Variants in VIM observed in about 807,000 individuals in gnomAD.
The protein encoded by VIM is vimentin.
VIM carries 18 observed loss-of-function variants against 50.3 expected under a neutral mutation model. The observed-to-expected ratio is 0.36, with a 90% CI of 0.25 to 0.53. The LOEUF (loss-of-function observed/expected upper bound fraction) is 0.53, where lower values mean the gene tolerates loss of function less well. Ranked by LOEUF, VIM falls within the 20% of genes least tolerant of loss-of-function variation. VIM has a pLI of 0.91. For synonymous variants in VIM, 245 were observed against 248.5 expected (o/e 0.99, Z 0.13); for missense variants, 551 against 614.7 (o/e 0.90, Z 1.10).
Position 17,234,905 on chromosome 10 carries a change from G to C in VIM, c.1008+87G>C. 4 of 1,576,250 alleles carry C rather than the reference G, an allele frequency of 2.5e-6. No homozygotes were observed. The South Asian group carries it at 4.5e-5, about 18-fold the overall frequency. On this transcript the variant is annotated intron_variant, in intron 6 of 9. Coordinates refer to ENST00000544301, the MANE Select transcript of VIM (RefSeq NM_003380.5). Reference sequence around the variant, plus strand: ...TGATGATACCTGAACAAAATGTTGAGTGAGTAAAAATGTATATCATAATGC... The same window carrying C: ...TGATGATACCTGAACAAAATGTTGACTGAGTAAAAATGTATATCATAATGC...
rs1846735260 is a variant in VIM at position 17,229,306 on chromosome 10, C to A, written c.-117C>A. Reference sequence around the variant, plus strand: ...TGCCACTCTCGCTCCGAGGTCCCCGCGCCAGAGACGCAGCCGCGCTCCCAC... The same window carrying A: ...TGCCACTCTCGCTCCGAGGTCCCCGAGCCAGAGACGCAGCCGCGCTCCCAC... On this transcript the variant is annotated 5_prime_UTR_variant, in exon 2 of 10. Coordinates refer to ENST00000544301, the MANE Select transcript of VIM (RefSeq NM_003380.5). The A allele has an allele frequency of 9.1e-7, 1 of 1,104,858 alleles. No homozygotes were observed. 68.4% of individuals were successfully genotyped at this position (1,104,858 alleles called of 1,614,324 possible).
Position 17,237,114 on chromosome 10 carries a change from T to C in VIM, c.1360-116T>C. 10 of 993,118 alleles carry C rather than the reference T, an allele frequency of 1.0e-5. 1 individual carries two copies. In the South Asian group the frequency reaches 1.3e-4, roughly 13 times the overall value. 61.5% of individuals were successfully genotyped at this position (993,118 alleles called of 1,614,324 possible). Reference sequence around the variant, plus strand: ...CTCATGCAGAAGCAACATAACCTTCTGATTTGCACAATAAATTACATATAT... The same window carrying C: ...CTCATGCAGAAGCAACATAACCTTCCGATTTGCACAATAAATTACATATAT... On this transcript the variant is annotated intron_variant, in intron 9 of 9. Coordinates refer to ENST00000544301, the MANE Select transcript of VIM (RefSeq NM_003380.5).
In VIM at chr10:17,230,704, C is replaced by T; in HGVS notation, c.618C>T (p.Phe206=). The change falls in exon 3 of 10, where the codon TTC becomes TTT. Residue 206 remains phenylalanine, a synonymous_variant. Transcript: ENST00000544301. ...REEAENTLQS[F]RQDVDNASLA... ...AAGCCGAAAACACCCTGCAATCTTT[C>T]AGACAGGTTTGTAGACTCTCTTCCC... The T allele has an allele frequency of 6.2e-7, 1 of 1,614,154 alleles. No individual in the cohort carries two copies. Among genetic ancestry groups the T allele is most frequent in the Non-Finnish European group, 8.5e-7 (1 of 1,180,032 alleles).
At position 17,233,764 on chromosome 10, in the gene VIM, T is replaced by C. The variant is rs769642846; in HGVS notation, c.721-6T>C. On this transcript the variant is annotated splice_region_variant and splice_polypyrimidine_tract_variant and intron_variant, in intron 4 of 9. Coordinates refer to ENST00000544301, the MANE Select transcript of VIM (RefSeq NM_003380.5). ...AGAGCTGACCGTCTGTCTGTTCTTT[T>C]TGCAGGAAATCCAGGAGCTGCAGGC... is the stretch of plus-strand genomic sequence containing the variant. 6.8e-6 allele frequency: 11 copies of C among 1,614,204 alleles called. No homozygotes were observed. The East Asian group carries it at 1.1e-4, about 16-fold the overall frequency.
intron 6 of VIM, 82 bp downstream of exon 6, chr10:17,234,900 G>A (rs776726390): frequency 2.5e-6 from 4 of 1,581,990 alleles, no homozygotes; most frequent in Non-Finnish European, 3.5e-6. Flanking sequence ...TGAACAAAAT[G>A]TTGAGTGAGT....
chr10:17,229,402 C>T lies in VIM; in HGVS notation c.-21C>T. On this transcript the variant is annotated 5_prime_UTR_variant, in exon 2 of 10. Coordinates refer to ENST00000544301, the MANE Select transcript of VIM (RefSeq NM_003380.5). ...GTCCGCGCCACCGCCGCCGCCCAGG[C>T]CATCGCCACCCTCCGCAGCCATGTC... 6.3e-7 allele frequency: 1 copy of T among 1,591,536 alleles called. No individual in the cohort carries two copies. Among genetic ancestry groups the T allele is most frequent in the Non-Finnish European group, 8.5e-7 (1 of 1,174,398 alleles).
chr10:17,229,586 C>A lies in VIM; in HGVS notation c.164C>A (p.Ser55Ter), dbSNP rs762699034. Residue 55 changes from serine (S) to a stop codon, truncating the protein, a stop_gained, in exon 2 of 10, where the codon TCG becomes TAG. Transcript: ENST00000544301. LOFTEE classifies it high-confidence loss of function. ...RPSTSRSLYA[S>*]SPGGVYATRS... The stretch of plus-strand genomic sequence containing the variant: ...AGCACCAGCCGCAGCCTCTACGCCT[C>A]GTCCCCGGGCGGCGTGTATGCCACG... 6.2e-7 allele frequency: 1 copy of A among 1,606,822 alleles called. No homozygotes were observed. The highest frequency in any genetic ancestry group is 8.5e-7 in the Non-Finnish European group (1 of 1,177,474).
intron 3 of VIM, 184 bp downstream of exon 3, chr10:17,230,894 C>A: frequency 1.6e-6 from 1 of 627,482 alleles, no homozygotes. Context: ...TTAATAAAAC[C>A]CCTTGAGCGA....
chr10:17,236,234 A>C, intron 8 of VIM, 60 bp from the exon 9 acceptor site: 2 of 1,249,092 alleles, frequency 1.6e-6, no homozygotes, highest in Non-Finnish European at 2.4e-6. Flanking sequence ...TAAAATGGTT[A>C]CTTGGTTTTT....
chr10:17,233,998 G>C, intron 5 of VIM, 67 bp downstream of exon 5: 2 of 1,553,490 alleles, frequency 1.3e-6, no homozygotes, highest in Non-Finnish European at 1.7e-6. Context: ...CCATACCTGT[G>C]TGTGATTCCT....
At chr10:17,230,133 T>C in intron 2 of VIM, 148 bp downstream of exon 2, 3 of 1,020,624 alleles carry the variant, frequency 2.9e-6, no homozygotes, top group Non-Finnish European at 4.2e-6. Context: ...AGCGGGGCTG[T>C]GGCTGTGGTG....
intron 2 of VIM, 134 bp downstream of exon 2, chr10:17,230,119 G>A: frequency 8.6e-7 from 1 of 1,165,216 alleles, no homozygotes; most frequent in Non-Finnish European, 1.2e-6. Flanking sequence ...GGGAGACAGC[G>A]GAGAGCGGGG....
chr10:17,234,774 C>T lies in VIM; in HGVS notation c.964C>T (p.Gln322Ter). The T allele has an allele frequency of 6.2e-7, 1 of 1,614,176 alleles. No individual in the cohort carries two copies. Among genetic ancestry groups the T allele is most frequent in the Non-Finnish European group, 8.5e-7 (1 of 1,180,036 alleles). The change falls in exon 6 of 10, where the codon CAG (glutamine) becomes TAG (stop). Residue 322 changes from glutamine (Q) to a stop codon, truncating the protein, a stop_gained. Coordinates refer to ENST00000544301, the MANE Select transcript of VIM (RefSeq NM_003380.5). LOFTEE classifies it high-confidence loss of function. ...AKQESTEYRR[Q>*]VQSLTCEVDA... ...GCAGGAGTCCACTGAGTACCGGAGA[C>T]AGGTGCAGTCCCTCACCTGTGAAGT...
At chr10:17,235,111 T>A in intron 6 of VIM, 58 bp from the exon 7 acceptor site, 1 of 1,591,402 alleles carries the variant, frequency 6.3e-7, no homozygotes, top group Non-Finnish European at 8.6e-7. Flanking sequence ...TAAATGGTTC[T>A]GGGAACAGCT....
chr10:17,234,493 C>A (rs192231091), intron 5 of VIM, among the ~76,000 whole-genome samples, 200 bp from the exon 6 acceptor site: 2 of 152,314 alleles, frequency 1.3e-5, no homozygotes, highest in Non-Finnish European at 2.9e-5. Flanking sequence ...TACCTTTGAC[C>A]TCCACTGTGT....
At position 17,234,830 on chromosome 10, in the gene VIM, C is replaced by A; in HGVS notation, c.1008+12C>A. The A allele has an allele frequency of 6.2e-7, 1 of 1,614,064 alleles. No individual in the cohort carries two copies. The highest frequency in any genetic ancestry group is 8.5e-7 in the Non-Finnish European group (1 of 1,179,998). ...CCCTTAAAGGAACCGTGAGTACCAA[C>A]CCTGCAGTAAAAGAGGGAAAATAAT... On this transcript the variant is annotated intron_variant, in intron 6 of 9. Coordinates refer to ENST00000544301, the MANE Select transcript of VIM (RefSeq NM_003380.5).
chr10:17,235,481 T>C lies in VIM; in HGVS notation c.1229+92T>C, dbSNP rs1238392880. On this transcript the variant is annotated intron_variant, in intron 7 of 9. Transcript: ENST00000544301. ...TCTAAGCAGTGTCACATTTAATCTT[T>C]AGAAAGTTTCTTTGAGGTAACTGCT... 10 of 1,419,688 alleles carry C rather than the reference T, an allele frequency of 7.0e-6. No homozygotes were observed. In the Admixed American group the frequency reaches 7.2e-5, roughly 10 times the overall value. 87.9% of individuals were successfully genotyped at this position (1,419,688 alleles called of 1,614,324 possible). A position where few individuals can be genotyped will look rare whatever the true frequency, so the allele number is the denominator to read the frequency against.
intron 3 of VIM, among the ~76,000 whole-genome samples, chr10:17,232,086 T>A (rs1210372196): frequency 6.6e-6 from 1 of 152,232 alleles, no homozygotes; most frequent in East Asian, 1.9e-4. Context: ...CAAAAGATCC[T>A]CTGTTTCGAG....
At chr10:17,233,282 G>A (rs537604677) in intron 3 of VIM, 117 of 374,080 alleles carry the variant, frequency 3.1e-4, no homozygotes, top group South Asian at 2.7e-3. Context: ...CTGGTAAAAT[G>A]TGGATTCAGT....
Sources: allele counts gnomAD v4.1 joint callset (sites outside exome capture counted in the v4.1 genomes callset), GRCh38; gene constraint gnomAD v4.1.1; transcripts MANE v1.5; gene names NCBI Gene and HGNC (gene_info 2026-07-23, HGNC 2026-07-21).